The following PHLDB1 variants were observed in gnomAD, a reference collection of about 807,000 sequenced individuals.
PHLDB1 encodes the protein pleckstrin homology like domain family B member 1.
Under a neutral mutation model 139.3 loss-of-function variants are expected in PHLDB1, and 65 were observed. The observed-to-expected ratio is 0.47, with a 90% CI of 0.38 to 0.57. The LOEUF is 0.57. Among genes scored for constraint, PHLDB1 ranks in the 20% least tolerant of loss-of-function variants. The pLI is 0.00. For synonymous variants in PHLDB1, 679 were observed against 734.5 expected, an observed-to-expected ratio of 0.92 and a Z score of 1.22; for missense variants, 1,624 against 1,839.7, an observed-to-expected ratio of 0.88 and a Z score of 2.14.
At position 118,608,339 on chromosome 11, in the gene PHLDB1, G is replaced by T. The variant is rs1021959750; in HGVS notation, c.-22+640G>T. 4.6e-5 allele frequency among the ~76,000 whole-genome samples: 7 copies of T among 152,146 alleles called. No individual in the cohort carries two copies. Among genetic ancestry groups the T allele is most frequent in the Non-Finnish European group, 7.4e-5 (5 of 67,994 alleles). ...CCGGGGAGGCCGCCTGGGGCGCCTT[G>T]CCACGCCCGCGCGGTCCCTATTGGA... On this transcript the variant is annotated intron_variant, in intron 1 of 22. Transcript: ENST00000600882. The surrounding 1 kb of genome is among the most constrained non-coding windows in gnomAD (Gnocchi z 6.7).
chr11:118,626,391 T>C (rs926318957), intron 5 of PHLDB1, among the ~76,000 whole-genome samples: 3 of 152,056 alleles, frequency 2.0e-5, no homozygotes, highest in African/African-American at 2.4e-5. Flanking sequence ...TTTTTTCTTT[T>C]TTTTTGTTTT....
chr11:118,609,224 A>C (rs1939680475), intron 1 of PHLDB1, among the ~76,000 whole-genome samples: 1 of 130,994 alleles, frequency 7.6e-6, no homozygotes, highest in Non-Finnish European at 1.6e-5. Context: ...CACACAGCCC[A>C]GCTCACACAC....
rs1949141963 is a variant in PHLDB1 at position 118,656,981 on chromosome 11, C to T, written c.*158C>T. 3.1e-6 allele frequency: 2 copies of T among 639,878 alleles called. No individual in the cohort carries two copies. The allele number at this position is 639,878 out of a possible 1,614,324, so 39.6% of individuals were successfully genotyped here. On this transcript the variant is annotated 3_prime_UTR_variant, in exon 23 of 23. Transcript: ENST00000600882. ...AGGTGGCTTTGCTGCCTCCTGGGAGCCCAGAACTTGCAGTAACCCTTTAGG... is the reference window on the plus strand; with the variant it reads ...AGGTGGCTTTGCTGCCTCCTGGGAGTCCAGAACTTGCAGTAACCCTTTAGG...
rs1268283610 is a variant in PHLDB1, at chr11:118,656,665, C to T, written c.3994-18C>T. Reference sequence around the variant, plus strand: ...ATGGGTGAGCCCCATCTTAGACCTTCCTCTCTTCCTTTGGCAGAGCCCGAA... The same window carrying T: ...ATGGGTGAGCCCCATCTTAGACCTTTCTCTCTTCCTTTGGCAGAGCCCGAA... On this transcript the variant is annotated intron_variant, in intron 22 of 22. Transcript: ENST00000600882. The T allele has an allele frequency of 6.2e-7, 1 of 1,611,274 alleles. No individual in the cohort carries two copies. Among genetic ancestry groups the T allele is most frequent in the Non-Finnish European group, 8.5e-7 (1 of 1,178,170 alleles).
intron 12 of PHLDB1, chr11:118,641,947 T>G: frequency 1.9e-6 from 1 of 528,018 alleles, no homozygotes; most frequent in Non-Finnish European, 3.3e-6. Flanking sequence ...GTGTAGCACA[T>G]GTCTGTGGTC....
chr11:118,634,953 C>T (rs2136333419), intron 9 of PHLDB1: 2 of 457,252 alleles, frequency 4.4e-6, no homozygotes, highest in South Asian at 3.1e-5. Flanking sequence ...GGGACGGAGG[C>T]ACCTGGAGGC....
At chr11:118,649,775 G>T (rs653008) in intron 18 of PHLDB1, among the ~76,000 whole-genome samples, 49,049 of 152,028 alleles carry the variant, frequency 0.32, 8,242 homozygotes, top group East Asian at 0.46. Context: ...GCCTCTTGCT[G>T]TATTCTCTTT....
At chr11:118,609,314 TTACACACACAGCCCAGCTCACA>T (rs1335359998) in intron 1 of PHLDB1, among the ~76,000 whole-genome samples, 1 of 61,498 alleles carries the variant, frequency 1.6e-5, no homozygotes, top group African/African-American at 1.2e-4. Context: ...ACAGCCCAGC[TTACACACACAGCCCAGCTCACA>T]CACACAGCCC....
chr11:118,642,428 C>G (rs781984158), intron 13 of PHLDB1, 34 bp downstream of exon 13: 2 of 1,595,730 alleles, frequency 1.3e-6, no homozygotes, highest in Non-Finnish European at 1.7e-6. Flanking sequence ...CCTCCCCAGC[C>G]TTTGCACCTG....
intron 1 of PHLDB1, among the ~76,000 whole-genome samples, chr11:118,609,669 G>A (rs1450105982): frequency 2.6e-5 from 4 of 152,222 alleles, no homozygotes; most frequent in African/African-American, 4.8e-5. Flanking sequence ...TTTCCCGGCC[G>A]CGCAAACAAG....
rs782004738 is a variant in PHLDB1, at chr11:118,631,216, C to T, written c.1837C>T (p.Arg613Cys). 5 of 1,425,046 alleles carry T rather than the reference C, an allele frequency of 3.5e-6. No homozygotes were observed. The highest frequency in any genetic ancestry group is 2.7e-5 in the East Asian group (1 of 37,046). 88.3% of individuals were successfully genotyped at this position (1,425,046 alleles called of 1,614,324 possible). Reference protein sequence around the residue: ...EQEMERLERQRLETILNLCAE... With the variant: ...EQEMERLERQCLETILNLCAE... ...TGTCCATCCTCCCCAGGAACGCCAG[C>T]GCCTGGAGACCATCCTGAACCTGTG... Residue 613 changes from arginine (R) to cysteine (C), a missense_variant, in exon 7 of 23, where the codon CGC becomes TGC. Coordinates refer to ENST00000600882, the MANE Select transcript of PHLDB1 (RefSeq NM_001144758.3).
At chr11:118,656,115 A>G (rs1250262981) in intron 22 of PHLDB1, among the ~76,000 whole-genome samples, 3 of 150,718 alleles carry the variant, frequency 2.0e-5, no homozygotes, top group African/African-American at 4.9e-5. Context: ...GGGTCTGGTG[A>G]TAGAGAAGGG....
chr11:118,651,102 C>T (rs1291769678), intron 20 of PHLDB1: 2 of 156,100 alleles, frequency 1.3e-5, no homozygotes, highest in African/African-American at 4.8e-5. Context: ...ATCCCTGGAA[C>T]TCCCTTGTAC....
chr11:118,624,908 T>C, intron 4 of PHLDB1, 26 bp from the exon 5 acceptor site: 1 of 1,613,222 alleles, frequency 6.2e-7, no homozygotes, highest in African/African-American at 1.3e-5. Context: ...CCACACCTGG[T>C]CTTCAAGTGT....
At chr11:118,619,065 G>A (rs1293473901) in intron 4 of PHLDB1, among the ~76,000 whole-genome samples, 1 of 152,110 alleles carries the variant, frequency 6.6e-6, no homozygotes, top group African/African-American at 2.4e-5. Context: ...TCTCTACAGA[G>A]CAAGGGGTGG....
In PHLDB1 at chr11:118,611,829, A is replaced by AT. The variant is rs1555084253; in HGVS notation, c.-21-1987_-21-1986insT. ...GTGAAACTCCGTCTCAAAAAAAAAAAAAAAATAATAATAATAATAATAAAT... is the reference window on the plus strand; with the variant it reads ...GTGAAACTCCGTCTCAAAAAAAAAAATAAAAATAATAATAATAATAATAAAT... On this transcript the variant is annotated intron_variant, in intron 1 of 22. Transcript: ENST00000600882. The surrounding 1 kb of genome is among the most constrained non-coding windows in gnomAD (Gnocchi z 4.7). Among the ~76,000 whole-genome samples the AT allele has an allele frequency of 0.033, 4,884 of 148,126 alleles. 275 individuals are homozygous for AT. Among genetic ancestry groups the AT allele is most frequent in the African/African-American group, 0.11 (4,527 of 40,120 alleles).
chr11:118,648,521 G>C (rs1947907737), intron 18 of PHLDB1, among the ~76,000 whole-genome samples: 1 of 152,032 alleles, frequency 6.6e-6, no homozygotes, highest in African/African-American at 2.4e-5. Flanking sequence ...TGCTTCCCCT[G>C]CTGCCCCTCC....
chr11:118,628,158 C>T lies in PHLDB1; in HGVS notation c.1335C>T (p.Arg445=). 1 of 1,614,104 alleles carries T rather than the reference C, an allele frequency of 6.2e-7. No individual in the cohort carries two copies. Among genetic ancestry groups the T allele is most frequent in the Non-Finnish European group, 8.5e-7 (1 of 1,180,008 alleles). The change falls in exon 6 of 23, where the codon CGC becomes CGT. Residue 445 remains arginine, a synonymous_variant. Transcript: ENST00000600882. ...TRTLQPPESP[R]LGRRGLDSMR... is the part of the protein sequence containing the mutation. ...CCCTGCAGCCTCCTGAGAGTCCCCG[C>T]CTGGGCCGGCGGGGCCTGGACAGTA...
chr11:118,611,146 G>A lies in PHLDB1; in HGVS notation c.-21-2670G>A, dbSNP rs183469279. Among the ~76,000 whole-genome samples, 59 of 152,322 alleles carry A rather than the reference G, an allele frequency of 3.9e-4. No homozygotes were observed. The highest frequency in any genetic ancestry group is 6.0e-4 in the Non-Finnish European group (41 of 68,020). On this transcript the variant is annotated intron_variant, in intron 1 of 22. Coordinates refer to ENST00000600882, the MANE Select transcript of PHLDB1 (RefSeq NM_001144758.3). The surrounding 1 kb of genome is among the most constrained non-coding windows in gnomAD (Gnocchi z 4.7). The stretch of plus-strand genomic sequence containing the variant: ...GGCCAGAGCGGGAGTCAAGGTGAGG[G>A]CGCCCCCAGGTGGCCGCTCTCGGCC...
Sources: allele counts gnomAD v4.1 joint callset (sites outside exome capture counted in the v4.1 genomes callset), GRCh38; gene constraint gnomAD v4.1.1; non-coding constraint Gnocchi (gnomAD v3.1); transcripts MANE v1.5; gene names NCBI Gene and HGNC (gene_info 2026-07-23, HGNC 2026-07-21).